MRPS27: variants seen among roughly 807,000 people sequenced by gnomAD.
MRPS27 encodes the protein small ribosomal subunit protein mS27.
MRPS27 carries 43 observed loss-of-function variants against 48.9 expected under a neutral mutation model. The ratio of observed to expected loss-of-function variants is 0.88; its 90% CI spans 0.69 to 1.13. MRPS27 has a LOEUF of 1.13. Among genes scored for constraint, MRPS27 ranks in the 50% most tolerant of loss-of-function variants. The pLI, the probability that MRPS27 is intolerant of heterozygous loss-of-function variation, is 0.00. For synonymous variants in MRPS27, 188 were observed against 171.9 expected (o/e 1.09, Z -0.73); for missense variants, 467 against 476.3 (o/e 0.98, Z 0.18).
intron 4 of MRPS27, among the ~76,000 whole-genome samples, chr5:72,271,553 A>G (rs1749242221): frequency 6.6e-6 from 1 of 152,212 alleles, no homozygotes. Flanking sequence ...AAAAGAGACT[A>G]ATGAGATATG....
chr5:72,237,617 T>C (rs1279927266), intron 5 of MRPS27, among the ~76,000 whole-genome samples: 1 of 152,082 alleles, frequency 6.6e-6, no homozygotes, highest in Non-Finnish European at 1.5e-5. Flanking sequence ...ATCCTAATCC[T>C]AGAGGGCTCT....
At chr5:72,241,511 G>A in intron 4 of MRPS27, 1 of 818,096 alleles carries the variant, frequency 1.2e-6, no homozygotes, top group Non-Finnish European at 1.9e-6. Context: ...GGCCAGCGGG[G>A]TTCAATTTTG....
intron 4 of MRPS27, among the ~76,000 whole-genome samples, chr5:72,238,731 T>C (rs889662316): frequency 7.2e-5 from 11 of 152,200 alleles, no homozygotes; most frequent in Admixed American, 3.3e-4. Context: ...AGCTCATCAG[T>C]TTATCCCTTA....
chr5:72,254,391 A>G (rs1748740698), intron 4 of MRPS27, among the ~76,000 whole-genome samples: 1 of 152,158 alleles, frequency 6.6e-6, no homozygotes, highest in African/African-American at 2.4e-5. Flanking sequence ...ATTAATATGT[A>G]TAGAAGGGAT....
intron 4 of MRPS27, among the ~76,000 whole-genome samples, chr5:72,260,094 C>T (rs1748926042): frequency 6.6e-6 from 1 of 152,068 alleles, no homozygotes; most frequent in Non-Finnish European, 1.5e-5. Flanking sequence ...ACAACCAATG[C>T]TATAATTACT....
intron 3 of MRPS27, among the ~76,000 whole-genome samples, chr5:72,296,441 T>A (rs950313051): frequency 6.6e-6 from 1 of 152,210 alleles, no homozygotes; most frequent in Non-Finnish European, 1.5e-5. Context: ...CTGTATGGCA[T>A]AAACAGATGG....
chr5:72,220,827 G>T lies in MRPS27; in HGVS notation c.*82C>A, dbSNP rs1747719063. 4 of 1,552,822 alleles carry T rather than the reference G, an allele frequency of 2.6e-6. No homozygotes were observed. In the African/African-American group the frequency reaches 5.5e-5, roughly 21 times the overall value. On this transcript the variant is annotated 3_prime_UTR_variant, in exon 11 of 11. Transcript: ENST00000261413. ...AAGAAGATGGGTAGAGGAAGCTGAG[G>T]CTGTTGTCCAGGCCACTGCTGAGTC... is the stretch of plus-strand genomic sequence containing the variant.
At chr5:72,263,352 G>C (rs1327116047) in intron 4 of MRPS27, among the ~76,000 whole-genome samples, 2 of 151,928 alleles carry the variant, frequency 1.3e-5, no homozygotes, top group African/African-American at 2.4e-5. Flanking sequence ...AAATTTTCAT[G>C]ACACTGAATT....
intron 1 of MRPS27, chr5:72,314,462 T>C (rs1475162453): frequency 4.8e-6 from 1 of 210,056 alleles, no homozygotes; most frequent in African/African-American, 2.3e-5. Context: ...ACAATCCCAC[T>C]ACTGATCGGC....
At chr5:72,244,588 T>A (rs556358620) in intron 4 of MRPS27, among the ~76,000 whole-genome samples, 1 of 152,220 alleles carries the variant, frequency 6.6e-6, no homozygotes, top group Non-Finnish European at 1.5e-5. Flanking sequence ...TATTTCTGCT[T>A]CATTTAAGTA....
chr5:72,297,885 T>C (rs1015995636), intron 2 of MRPS27, among the ~76,000 whole-genome samples, 183 bp from the exon 3 acceptor site: 1 of 152,176 alleles, frequency 6.6e-6, no homozygotes, highest in Non-Finnish European at 1.5e-5. Context: ...AATGATTTAA[T>C]TGGGTTGAGA....
chr5:72,260,565 G>A (rs535547893), intron 4 of MRPS27, among the ~76,000 whole-genome samples: 13 of 152,258 alleles, frequency 8.5e-5, no homozygotes, highest in Admixed American at 6.5e-4. Context: ...CAATGTGATC[G>A]GAAAAGGAAG....
intron 5 of MRPS27, 86 bp downstream of exon 5, chr5:72,237,928 G>A (rs2111960637): frequency 4.6e-6 from 4 of 878,176 alleles, no homozygotes; most frequent in Middle Eastern, 4.5e-4. Context: ...TATTTCTGGT[G>A]TTATTCTTTG....
intron 4 of MRPS27, among the ~76,000 whole-genome samples, chr5:72,283,236 T>A (rs1482199167): frequency 6.6e-6 from 1 of 152,228 alleles, no homozygotes; most frequent in East Asian, 1.9e-4. Context: ...AGGGTCTTTT[T>A]AGTACCTCCC....
At chr5:72,241,400 C>T in intron 4 of MRPS27, 2 of 528,332 alleles carry the variant, frequency 3.8e-6, no homozygotes, top group Admixed American at 3.3e-5. Flanking sequence ...CCTGAATTTC[C>T]CAGCCAGGAA....
chr5:72,304,528 T>C (rs1428624225), intron 2 of MRPS27, among the ~76,000 whole-genome samples: 1 of 152,222 alleles, frequency 6.6e-6, no homozygotes, highest in African/African-American at 2.4e-5. Flanking sequence ...GTTGTATTAA[T>C]ATCAGACACA....
At chr5:72,302,702 C>G (rs1402315289) in intron 2 of MRPS27, among the ~76,000 whole-genome samples, 1 of 152,134 alleles carries the variant, frequency 6.6e-6, no homozygotes, top group East Asian at 1.9e-4. Context: ...TTGAGGGGAG[C>G]AGTCCTTTTG....
Position 72,234,174 on chromosome 5 carries a change from A to G in MRPS27, c.420T>C (p.Asp140=). The part of the protein sequence containing the change: ...VNKVQYGIFP[D]NFTFNLLMDS... ...CCATCAGTAAATTGAATGTAAAGTTATCTGGAAAAATTCCATATTGAACCT... is the reference window on the plus strand; with the variant it reads ...CCATCAGTAAATTGAATGTAAAGTTGTCTGGAAAAATTCCATATTGAACCT... Residue 140 remains aspartate (D), a synonymous_variant, in exon 6 of 11, where the codon GAT becomes GAC. Coordinates refer to ENST00000261413, the MANE Select transcript of MRPS27 (RefSeq NM_015084.3). 6.6e-7 allele frequency: 1 copy of G among 1,508,120 alleles called. No homozygotes were observed. Among genetic ancestry groups the G allele is most frequent in the Non-Finnish European group, 8.8e-7 (1 of 1,132,870 alleles). The allele number at this position is 1,508,120 out of a possible 1,614,324, so 93.4% of individuals were successfully genotyped here.
At chr5:72,299,512 T>G (rs1750075246) in intron 2 of MRPS27, among the ~76,000 whole-genome samples, 1 of 152,228 alleles carries the variant, frequency 6.6e-6, no homozygotes, top group Non-Finnish European at 1.5e-5. Context: ...ATATTAGCTA[T>G]ATATCAGGTT....
Sources: gnomAD v4.1 joint callset for allele counts (sites outside exome capture counted in the v4.1 genomes callset) on GRCh38, gnomAD v4.1.1 for gene constraint, MANE v1.5 for transcripts, NCBI Gene and HGNC (gene_info 2026-07-23, HGNC 2026-07-21) for gene names.